The following WDR7 variants were observed in gnomAD, a reference collection of about 807,000 sequenced individuals.
The protein encoded by WDR7 is WD repeat-containing protein 7.
WDR7 carries 46 observed loss-of-function variants against 169.4 expected under a neutral mutation model. The observed-to-expected ratio is 0.27, with a 90% confidence interval of 0.21 to 0.35. The LOEUF (loss-of-function observed/expected upper bound fraction) is 0.35. Among genes scored for constraint, WDR7 ranks in the 10% least tolerant of loss-of-function variants. The probability of loss-of-function intolerance (pLI) is 1.00; values close to 1 mark genes in which losing one functional copy is unlikely to be tolerated. For synonymous variants in WDR7, 612 were observed against 666.8 expected (o/e 0.92, Z 1.27); for missense variants, 1,534 against 1,859.3 (o/e 0.83, Z 3.22).
chr18:56,985,250 G>C (rs1281196765), intron 26 of WDR7, among the ~76,000 whole-genome samples: 2 of 152,086 alleles, frequency 1.3e-5, no homozygotes, highest in African/African-American at 4.8e-5. Context: ...GCCAGTGCTA[G>C]CTTTGCATAT....
chr18:56,690,336 C>G (rs2025537555), intron 7 of WDR7, among the ~76,000 whole-genome samples: 1 of 152,098 alleles, frequency 6.6e-6, no homozygotes, highest in Admixed American at 6.6e-5. Flanking sequence ...ATGTAAAGCC[C>G]TATAAGGTTA....
chr18:57,015,199 T>A (rs1295684656), intron 26 of WDR7, among the ~76,000 whole-genome samples: 1 of 152,218 alleles, frequency 6.6e-6, no homozygotes, highest in Non-Finnish European at 1.5e-5. Flanking sequence ...CCTTTCAGTG[T>A]TCTTGGCAAC....
intron 20 of WDR7, among the ~76,000 whole-genome samples, chr18:56,830,472 C>G (rs1568219418): frequency 6.6e-6 from 1 of 152,174 alleles, no homozygotes; most frequent in Non-Finnish European, 1.5e-5. Context: ...GGGAAGAGGA[C>G]TTCTAAAAAA....
intron 16 of WDR7, among the ~76,000 whole-genome samples, chr18:56,767,714 T>G (rs1172822918): frequency 1.3e-5 from 2 of 152,182 alleles, no homozygotes; most frequent in Non-Finnish European, 2.9e-5. Flanking sequence ...TAAATATTAT[T>G]TGTATATATG....
chr18:56,724,071 C>G (rs1412957494), intron 13 of WDR7, among the ~76,000 whole-genome samples: 1 of 151,300 alleles, frequency 6.6e-6, no homozygotes, highest in East Asian at 1.9e-4. Flanking sequence ...ACCTTTTGAA[C>G]ATCTGGAATA....
rs972964377 is a variant in WDR7, at chr18:56,776,391, T to G, written c.2849-391T>G. Reference sequence around the variant, plus strand: ...CAGAGAATAAACTGTTAGGAAAATGTAACTGACAATATGAAGACCAACATA... The same window carrying G: ...CAGAGAATAAACTGTTAGGAAAATGGAACTGACAATATGAAGACCAACATA... On this transcript the variant is annotated intron_variant, in intron 16 of 27. Transcript: ENST00000254442. Among the ~76,000 whole-genome samples the G allele has an allele frequency of 4.6e-5, 7 of 152,288 alleles. No individual in the cohort carries two copies. In the East Asian group the frequency reaches 1.3e-3, roughly 29 times the overall value.
chr18:56,880,069 C>T lies in WDR7; in HGVS notation c.3430C>T (p.Pro1144Ser), dbSNP rs1236291303. The T allele has an allele frequency of 1.9e-6, 3 of 1,614,074 alleles. No individual in the cohort carries two copies. The Admixed American group carries it at 5.0e-5, about 27-fold the overall frequency. ...TGAATTTGGTGCTGAAATTGAACCT[C>T]CTAAACTATTGACCAGACCTCGAAG... ...GAEFGAEIEP[P>S]KLLTRPRSSS... Residue 1144 changes from proline (P) to serine (S), a missense_variant, in exon 21 of 28, where the codon CCT becomes TCT. Transcript: ENST00000254442.
At chr18:56,896,903 CA>C (rs1889880192) in intron 21 of WDR7, among the ~76,000 whole-genome samples, 1 of 151,444 alleles carries the variant, frequency 6.6e-6, no homozygotes, top group Non-Finnish European at 1.5e-5. Flanking sequence ...CAAAGAGAAA[CA>C]AAAAGTGATT....
intron 20 of WDR7, among the ~76,000 whole-genome samples, chr18:56,826,202 A>G (rs2145259629): frequency 6.6e-6 from 1 of 152,342 alleles, no homozygotes; most frequent in Admixed American, 6.5e-5. Context: ...ACACTATTAT[A>G]TATCTATATA....
intron 20 of WDR7, among the ~76,000 whole-genome samples, chr18:56,841,979 T>C (rs1006572094): frequency 1.3e-5 from 2 of 152,212 alleles, no homozygotes; most frequent in African/African-American, 4.8e-5. Context: ...AAATACTGAT[T>C]ACTCACCTCT....
chr18:56,841,360 G>A (rs565451487), intron 20 of WDR7, among the ~76,000 whole-genome samples: 6 of 152,048 alleles, frequency 3.9e-5, no homozygotes, highest in Middle Eastern at 3.4e-3. Flanking sequence ...TGGCCAACAC[G>A]GTGAAACCCA....
intron 21 of WDR7, among the ~76,000 whole-genome samples, chr18:56,898,521 A>G (rs1354627879): frequency 6.6e-6 from 1 of 152,110 alleles, no homozygotes; most frequent in African/African-American, 2.4e-5. Flanking sequence ...TAGCGTTGTC[A>G]GTAATAAAAC....
chr18:56,661,243 G>A (rs1334056987), intron 1 of WDR7, among the ~76,000 whole-genome samples: 2 of 152,032 alleles, frequency 1.3e-5, no homozygotes, highest in African/African-American at 4.8e-5. Flanking sequence ...AGTCGAAGTT[G>A]GTTCAACCAA....
At chr18:56,850,446 G>A (rs17090383) in intron 20 of WDR7, among the ~76,000 whole-genome samples, 1,530 of 152,126 alleles carry the variant, frequency 0.01, 22 homozygotes, top group African/African-American at 0.034. Flanking sequence ...CCATGTATAC[G>A]TAGATTATTC....
At chr18:56,815,866 C>T (rs1009128945) in intron 19 of WDR7, among the ~76,000 whole-genome samples, 165 bp from the exon 20 acceptor site, 5 of 152,032 alleles carry the variant, frequency 3.3e-5, no homozygotes, top group South Asian at 2.1e-4. Flanking sequence ...ATAGAGCACA[C>T]GTGAATGTTT....
chr18:56,659,057 T>C (rs1339953353), intron 1 of WDR7, among the ~76,000 whole-genome samples: 1 of 152,186 alleles, frequency 6.6e-6, no homozygotes, highest in African/African-American at 2.4e-5. Flanking sequence ...GATTAATTAC[T>C]AGGCCTTAGT....
At chr18:56,776,924 T>G in intron 17 of WDR7, 44 bp downstream of exon 17, 1 of 1,513,968 alleles carries the variant, frequency 6.6e-7, no homozygotes, top group Non-Finnish European at 9.2e-7. Context: ...ATCTGTGCTT[T>G]ATTCTGACAG....
intron 22 of WDR7, among the ~76,000 whole-genome samples, chr18:56,927,335 G>GAATTTT (rs2046821996): frequency 6.6e-6 from 1 of 152,114 alleles, no homozygotes; most frequent in African/African-American, 2.4e-5. Flanking sequence ...GGCTGGGCTT[G>GAATTTT]GTGGCTCATG....
At chr18:56,845,131 A>G (rs2045548269) in intron 20 of WDR7, among the ~76,000 whole-genome samples, 2 of 152,164 alleles carry the variant, frequency 1.3e-5, no homozygotes, top group Non-Finnish European at 1.5e-5. Context: ...TTGTATAGAT[A>G]CAATGATTTG....
Sources: allele counts gnomAD v4.1 joint callset (sites outside exome capture counted in the v4.1 genomes callset), GRCh38; gene constraint gnomAD v4.1.1; transcripts MANE v1.5; gene names NCBI Gene and HGNC (gene_info 2026-07-23, HGNC 2026-07-21).